Variants in MYO3A observed in about 807,000 individuals in gnomAD.
MYO3A encodes the protein myosin-IIIa.
MYO3A carries 180 observed loss-of-function variants against 192.7 expected under a neutral mutation model. The observed-to-expected ratio is 0.93, with a 90% CI of 0.83 to 1.06. The LOEUF (loss-of-function observed/expected upper bound fraction) is 1.06. MYO3A is among the 50% of genes least tolerant of loss of function. The probability of loss-of-function intolerance (pLI) is 0.00; values close to 1 mark genes in which losing one functional copy is unlikely to be tolerated. For missense variants in MYO3A, 1,896 were observed against 1,905.0 expected, an observed-to-expected ratio of 1.00 and a Z score of 0.09; for synonymous variants, 628 against 645.3, an observed-to-expected ratio of 0.97 and a Z score of 0.41.
chr10:26,128,707 C>T (rs1839365784), intron 20 of MYO3A, among the ~76,000 whole-genome samples, 169 bp downstream of exon 20: 1 of 152,082 alleles, frequency 6.6e-6, no homozygotes, highest in Admixed American at 6.6e-5. Context: ...AACAAAAAAA[C>T]TGGTGTGAAT....
chr10:25,939,608 G>GTT (rs200076860), intron 2 of MYO3A, among the ~76,000 whole-genome samples: 3 of 149,688 alleles, frequency 2.0e-5, no homozygotes, highest in African/African-American at 4.9e-5. Flanking sequence ...TTGTATAGTT[G>GTT]TTTTTTTTTA....
At chr10:26,197,360 CAA>C (rs1843463026) in intron 32 of MYO3A, among the ~76,000 whole-genome samples, 1 of 152,122 alleles carries the variant, frequency 6.6e-6, no homozygotes, top group Non-Finnish European at 1.5e-5. Context: ...TCAGATAAAA[CAA>C]AAGTTTCAAA....
chr10:26,206,731 G>A (rs1260408080), intron 34 of MYO3A, among the ~76,000 whole-genome samples: 1 of 152,206 alleles, frequency 6.6e-6, no homozygotes, highest in Non-Finnish European at 1.5e-5. Context: ...TTACAGGCGT[G>A]AGCCACCGCG....
chr10:26,081,147 C>A (rs942077570), intron 14 of MYO3A, among the ~76,000 whole-genome samples: 1 of 83,270 alleles, frequency 1.2e-5, no homozygotes, highest in African/African-American at 3.8e-5. Flanking sequence ...CCCCCCCCCG[C>A]CCCCGCTACC....
intron 10 of MYO3A, among the ~76,000 whole-genome samples, chr10:26,049,673 C>CTTTTTTTTTTTTT (rs66467075): frequency 1.3e-4 from 9 of 69,116 alleles, no homozygotes; most frequent in African/African-American, 2.1e-4. Context: ...TTCTTTCTTT[C>CTTTTTTTTTTTTT]TTTTTTTTTT....
intron 4 of MYO3A, among the ~76,000 whole-genome samples, chr10:25,967,280 C>T (rs906792379): frequency 2.0e-4 from 30 of 152,184 alleles, no homozygotes; most frequent in African/African-American, 6.8e-4. Context: ...CTGTAATCCA[C>T]ACAACTACTG....
chr10:26,103,347 A>T (rs549564794), intron 17 of MYO3A, among the ~76,000 whole-genome samples: 1 of 152,270 alleles, frequency 6.6e-6, no homozygotes, highest in Admixed American at 6.5e-5. Context: ...AGGTGAGGCG[A>T]TGCCCTGCTC....
intron 4 of MYO3A, among the ~76,000 whole-genome samples, chr10:25,993,706 T>C (rs1840215848): frequency 6.6e-6 from 1 of 152,226 alleles, no homozygotes; most frequent in African/African-American, 2.4e-5. Context: ...GATTCTGGTA[T>C]GTTGTGTCTT....
chr10:26,106,531 T>G (rs987472595), intron 17 of MYO3A, among the ~76,000 whole-genome samples: 3 of 152,114 alleles, frequency 2.0e-5, no homozygotes, highest in Admixed American at 1.3e-4. Context: ...CTAAGACTAG[T>G]CTAAGTCAAT....
intron 20 of MYO3A, among the ~76,000 whole-genome samples, chr10:26,132,263 T>A (rs1199272263): frequency 6.6e-6 from 1 of 152,230 alleles, no homozygotes; most frequent in Non-Finnish European, 1.5e-5. Flanking sequence ...GAATCACCTA[T>A]CTCATATTAG....
chr10:26,081,178 G>A (rs186513688), intron 14 of MYO3A, among the ~76,000 whole-genome samples: 6 of 134,298 alleles, frequency 4.5e-5, no homozygotes, highest in East Asian at 2.4e-4. Flanking sequence ...GGGAAGGACC[G>A]TCAGGCGGGG....
At chr10:26,133,745 C>T (rs1410635679) in intron 20 of MYO3A, among the ~76,000 whole-genome samples, 2 of 152,142 alleles carry the variant, frequency 1.3e-5, no homozygotes, top group African/African-American at 4.8e-5. Flanking sequence ...TGGCGTGTAC[C>T]ACCATACCTG....
At chr10:26,061,263 T>C (rs1270505320) in intron 10 of MYO3A, among the ~76,000 whole-genome samples, 2 of 152,086 alleles carry the variant, frequency 1.3e-5, no homozygotes, top group Non-Finnish European at 2.9e-5. Context: ...TATCAAGACA[T>C]AAAAGGATGA....
chr10:26,088,091 A>T (rs1836454076), intron 14 of MYO3A, 112 bp from the exon 15 acceptor site: 1 of 850,436 alleles, frequency 1.2e-6, no homozygotes, highest in African/African-American at 1.7e-5. Flanking sequence ...TATCAGGAAC[A>T]TGCTTTTGTA....
Position 26,006,650 on chromosome 10 carries a change from G to C in MYO3A, c.508+9392G>C, listed in dbSNP as rs933986779. On this transcript the variant is annotated intron_variant, in intron 6 of 34. Transcript: ENST00000642920. Reference sequence around the variant, plus strand: ...ATCTAGAAGAAATGGATAAATTCCTGGACACATACACCCTCCCGAGACTAA... The same window carrying C: ...ATCTAGAAGAAATGGATAAATTCCTCGACACATACACCCTCCCGAGACTAA... Among the ~76,000 whole-genome samples the C allele has an allele frequency of 3.9e-3, 595 of 152,068 alleles. 3 individuals are homozygous for C. Among genetic ancestry groups the C allele is most frequent in the African/African-American group, 0.014 (567 of 41,476 alleles).
chr10:25,994,780 G>T (rs1349747792), intron 4 of MYO3A, among the ~76,000 whole-genome samples: 1 of 152,112 alleles, frequency 6.6e-6, no homozygotes, highest in Non-Finnish European at 1.5e-5. Flanking sequence ...GCTTAATTTG[G>T]CTGGATATGA....
In MYO3A at chr10:25,962,280, C is replaced by G. The variant is rs1837980626; in HGVS notation, c.303+7272C>G. Among the ~76,000 whole-genome samples, 9 of 152,090 alleles carry G rather than the reference C, an allele frequency of 5.9e-5. 1 individual carries two copies. The South Asian group carries it at 1.9e-3, about 32-fold the overall frequency. On this transcript the variant is annotated intron_variant, in intron 4 of 34. Coordinates refer to ENST00000642920, the MANE Select transcript of MYO3A (RefSeq NM_017433.5). ...ATTTGTTATTTTATAAGTTTTTGAG[C>G]ATGAATGATATACAAGGACTCTGTT...
At chr10:26,205,145 C>T (rs1843854140) in intron 34 of MYO3A, among the ~76,000 whole-genome samples, 1 of 151,960 alleles carries the variant, frequency 6.6e-6, no homozygotes, top group Non-Finnish European at 1.5e-5. Context: ...ATTGACAAAA[C>T]GTGTATAAAC....
intron 10 of MYO3A, among the ~76,000 whole-genome samples, chr10:26,049,252 C>G (rs1164653493): frequency 2.0e-5 from 3 of 152,148 alleles, no homozygotes; most frequent in Non-Finnish European, 4.4e-5. Context: ...TAATGCACCT[C>G]AGTCTAATCA....
Sources: gnomAD v4.1 joint callset for allele counts (sites outside exome capture counted in the v4.1 genomes callset) on GRCh38, gnomAD v4.1.1 for gene constraint, MANE v1.5 for transcripts, NCBI Gene and HGNC (gene_info 2026-07-23, HGNC 2026-07-21) for gene names.